The following HAPLN1 variants were observed in gnomAD, a reference collection of about 807,000 sequenced individuals.
The protein encoded by HAPLN1 is Cartilage link protein.
A neutral mutation model predicts 36.5 loss-of-function variants in HAPLN1; 13 were observed. The ratio of observed to expected loss-of-function variants is 0.36; its 90% confidence interval spans 0.23 to 0.57. HAPLN1 has a LOEUF of 0.57. HAPLN1 is among the 20% of genes least tolerant of loss of function. HAPLN1 has a pLI of 0.83. For missense variants in HAPLN1, 407 were observed against 439.7 expected, an observed-to-expected ratio of 0.93 and a Z score of 0.66; for synonymous variants, 202 against 169.8, an observed-to-expected ratio of 1.19 and a Z score of -1.48.
In HAPLN1 at chr5:83,641,088, T is replaced by A. The variant is rs11955113; in HGVS notation, c.*408A>T. The A allele has an allele frequency of 0.059, 9,020 of 152,694 alleles. 761 individuals are homozygous for A. The highest frequency in any genetic ancestry group is 0.19 in the African/African-American group (7,853 of 41,470). The allele number at this position is 152,694 out of a possible 1,614,324, so 9.5% of individuals were successfully genotyped here. A position where few individuals can be genotyped will look rare whatever the true frequency, so the allele number is the denominator to read the frequency against. ...GTATTTCAAATGTGTTGCTCTAATT[T>A]GTTTATTGTAGTGCATTTCAAAATT... On this transcript the variant is annotated 3_prime_UTR_variant, in exon 5 of 5. Transcript: ENST00000274341.
chr5:83,681,444 G>A (rs1342786951), intron 1 of HAPLN1, among the ~76,000 whole-genome samples: 3 of 151,924 alleles, frequency 2.0e-5, no homozygotes, highest in Non-Finnish European at 4.4e-5. Context: ...AATAAAAAAT[G>A]GACACAAACA....
chr5:83,695,738 A>C (rs1751378875), intron 1 of HAPLN1, among the ~76,000 whole-genome samples: 1 of 150,818 alleles, frequency 6.6e-6, no homozygotes, highest in African/African-American at 2.4e-5. Context: ...ACTCCAACTA[A>C]AAACTCTTAA....
intron 2 of HAPLN1, among the ~76,000 whole-genome samples, chr5:83,671,041 T>C (rs113337754): frequency 2.9e-4 from 44 of 152,194 alleles, no homozygotes; most frequent in Admixed American, 1.3e-3. Flanking sequence ...TTTTTGTGTG[T>C]GTCTATATCT....
intron 1 of HAPLN1, among the ~76,000 whole-genome samples, chr5:83,690,774 T>G (rs980110738): frequency 2.0e-5 from 3 of 152,056 alleles, no homozygotes; most frequent in Non-Finnish European, 2.9e-5. Flanking sequence ...TATATGGTGA[T>G]TATATATTCA....
intron 2 of HAPLN1, among the ~76,000 whole-genome samples, chr5:83,667,116 A>G (rs886911667): frequency 6.6e-6 from 1 of 152,208 alleles, no homozygotes; most frequent in African/African-American, 2.4e-5. Context: ...CTACATAAGC[A>G]CCTAACACAT....
intron 1 of HAPLN1, among the ~76,000 whole-genome samples, chr5:83,690,466 G>A (rs914735725): frequency 2.0e-5 from 3 of 151,986 alleles, no homozygotes; most frequent in African/African-American, 7.2e-5. Context: ...CTGTAAATGG[G>A]AACTAAAAGG....
chr5:83,713,054 A>T (rs1751831762), intron 1 of HAPLN1, among the ~76,000 whole-genome samples: 2 of 152,206 alleles, frequency 1.3e-5, no homozygotes, highest in South Asian at 4.1e-4. Context: ...GGTAAGCTAA[A>T]CAACATGGGC....
chr5:83,720,634 T>C (rs1237876583), intron 1 of HAPLN1, among the ~76,000 whole-genome samples, 155 bp downstream of exon 1: 2 of 152,224 alleles, frequency 1.3e-5, no homozygotes, highest in African/African-American at 4.8e-5. Flanking sequence ...TTTTTAAAAG[T>C]TGAGGTGTCA....
rs1170138580 is a variant in HAPLN1 at position 83,641,389 on chromosome 5, A to G, written c.*107T>C. The stretch of plus-strand genomic sequence containing the variant: ...AAAATGACTCTTTACAGTAAGTAAA[A>G]AAGGGTTATCACAGTTTTGGTAACT... On this transcript the variant is annotated 3_prime_UTR_variant, in exon 5 of 5. Transcript: ENST00000274341. The G allele has an allele frequency of 2.0e-6, 2 of 1,007,608 alleles. No individual in the cohort carries two copies. The highest frequency in any genetic ancestry group is 2.9e-6 in the Non-Finnish European group (2 of 695,660). 62.4% of individuals were successfully genotyped at this position (1,007,608 alleles called of 1,614,324 possible). A position where few individuals can be genotyped will look rare whatever the true frequency, so the allele number is the denominator to read the frequency against.
At chr5:83,720,756 C>A (rs2112647037) in intron 1 of HAPLN1, 33 bp downstream of exon 1, 1 of 152,174 alleles carries the variant, frequency 6.6e-6, no homozygotes, top group East Asian at 1.9e-4. Context: ...AAAGGTATAA[C>A]CAAAAGAGGG....
At chr5:83,718,441 C>T (rs1012092994) in intron 1 of HAPLN1, among the ~76,000 whole-genome samples, 15 of 152,174 alleles carry the variant, frequency 9.9e-5, no homozygotes, top group Admixed American at 1.3e-4. Context: ...ACCACAGACC[C>T]TCCCATTCAG....
rs1749634669 is a variant in HAPLN1, at chr5:83,640,032, C to G, written c.*1464G>C. 2.0e-5 allele frequency: 3 copies of G among 152,058 alleles called. 1 individual carries two copies. Among genetic ancestry groups the G allele is most frequent in the Non-Finnish European group, 4.4e-5 (3 of 67,960 alleles). 9.4% of individuals were successfully genotyped at this position (152,058 alleles called of 1,614,324 possible). On this transcript the variant is annotated 3_prime_UTR_variant, in exon 5 of 5. Transcript: ENST00000274341. ...TTACTCATGTTCATGGGAGGAAAAT[C>G]TACATAAAAACATTCATGAAAGCAT...
chr5:83,660,927 G>C (rs959870711), intron 2 of HAPLN1, among the ~76,000 whole-genome samples: 1 of 152,100 alleles, frequency 6.6e-6, no homozygotes, highest in South Asian at 2.1e-4. Flanking sequence ...TGCCCAGCTG[G>C]TGTAGACTCT....
chr5:83,664,681 CA>C (rs938048156), intron 2 of HAPLN1, among the ~76,000 whole-genome samples: 9 of 151,712 alleles, frequency 5.9e-5, no homozygotes, highest in African/African-American at 1.4e-4. Context: ...CTGTGTCTTC[CA>C]AAAAAAACTT....
chr5:83,654,163 T>C (rs928388287), intron 2 of HAPLN1, among the ~76,000 whole-genome samples: 5 of 152,232 alleles, frequency 3.3e-5, no homozygotes, highest in African/African-American at 1.2e-4. Context: ...ATTTTTATCA[T>C]ATAGCAATCA....
Position 83,641,371 on chromosome 5 carries a change from C to T in HAPLN1, c.*125G>A, listed in dbSNP as rs533117316. The T allele has an allele frequency of 2.7e-6, 2 of 735,440 alleles. No individual in the cohort carries two copies. The highest frequency in any genetic ancestry group is 3.6e-5 in the African/African-American group (2 of 56,234). The allele number at this position is 735,440 out of a possible 1,614,324, so 45.6% of individuals were successfully genotyped here. On this transcript the variant is annotated 3_prime_UTR_variant, in exon 5 of 5. Transcript: ENST00000274341. ...AATGAATTGATCTTTATGAAAATGA[C>T]TCTTTACAGTAAGTAAAAAAGGGTT...
Position 83,712,330 on chromosome 5 carries a change from T to A in HAPLN1, c.-27+8459A>T, listed in dbSNP as rs185616813. 2.6e-3 allele frequency among the ~76,000 whole-genome samples: 396 copies of A among 152,276 alleles called. 4 individuals carry two copies. The highest frequency in any genetic ancestry group is 9.1e-3 in the African/African-American group (379 of 41,570). Reference sequence around the variant, plus strand: ...GTCCTTAATTTAAAAATGATTATTTTGTTTTATCGTTATTGCTGACTTGAA... The same window carrying A: ...GTCCTTAATTTAAAAATGATTATTTAGTTTTATCGTTATTGCTGACTTGAA... On this transcript the variant is annotated intron_variant, in intron 1 of 4. Coordinates refer to ENST00000274341, the MANE Select transcript of HAPLN1 (RefSeq NM_001884.4).
chr5:83,704,798 G>T (rs1229937197), intron 1 of HAPLN1, among the ~76,000 whole-genome samples: 1 of 152,116 alleles, frequency 6.6e-6, no homozygotes, highest in Non-Finnish European at 1.5e-5. Flanking sequence ...CTCCAACATA[G>T]TAATAGTGGG....
chr5:83,665,634 T>C (rs1430954878), intron 2 of HAPLN1, among the ~76,000 whole-genome samples: 1 of 152,226 alleles, frequency 6.6e-6, no homozygotes, highest in Non-Finnish European at 1.5e-5. Flanking sequence ...GTAAAATGCT[T>C]CTTGTTCTAA....
Sources: allele counts gnomAD v4.1 joint callset (sites outside exome capture counted in the v4.1 genomes callset), GRCh38; gene constraint gnomAD v4.1.1; transcripts MANE v1.5; gene names NCBI Gene and HGNC (gene_info 2026-07-23, HGNC 2026-07-21).